RNF150: variants seen among roughly 807,000 people sequenced by gnomAD.
RNF150 encodes ring finger protein 150.
In RNF150, 24 loss-of-function variants were observed where a neutral mutation model predicts 39.3. The observed-to-expected ratio is 0.61, with a 90% CI of 0.44 to 0.86. The LOEUF (loss-of-function observed/expected upper bound fraction) is 0.86, where lower values mean the gene tolerates loss of function less well. RNF150 is among the 40% of genes least tolerant of loss of function. The pLI is 0.00. For missense variants in RNF150, 502 were observed against 587.8 expected (o/e 0.85, Z 1.51); for synonymous variants, 255 against 227.3 (o/e 1.12, Z -1.10).
chr4:140,954,223 A>C (rs747141640), intron 2 of RNF150, among the ~76,000 whole-genome samples: 3 of 151,688 alleles, frequency 2.0e-5, no homozygotes, highest in African/African-American at 4.8e-5. Flanking sequence ...TCTTCTTATT[A>C]TTATTTTTGA....
chr4:140,955,866 T>C (rs1027615818), intron 2 of RNF150, among the ~76,000 whole-genome samples: 2 of 152,198 alleles, frequency 1.3e-5, no homozygotes, highest in African/African-American at 4.8e-5. Context: ...AGTTTAAATA[T>C]CAATGTGCAA....
intron 1 of RNF150, among the ~76,000 whole-genome samples, chr4:141,162,927 G>A (rs2111160660): frequency 6.6e-6 from 1 of 152,296 alleles, no homozygotes; most frequent in Non-Finnish European, 1.5e-5. Context: ...TCGTACCCTA[G>A]TGGCATCTGG....
chr4:141,053,228 C>T (rs1227732274), intron 1 of RNF150, among the ~76,000 whole-genome samples: 3 of 151,988 alleles, frequency 2.0e-5, no homozygotes, highest in East Asian at 1.9e-4. Context: ...GATACATACT[C>T]GATACAGATC....
At chr4:141,071,640 T>C (rs1267548897) in intron 1 of RNF150, among the ~76,000 whole-genome samples, 1 of 152,174 alleles carries the variant, frequency 6.6e-6, no homozygotes, top group East Asian at 1.9e-4. Flanking sequence ...GATTACATTC[T>C]CCAATGAAAA....
chr4:141,135,490 T>C (rs1179266015), upstream of RNF150, among the ~76,000 whole-genome samples: 1 of 152,206 alleles, frequency 6.6e-6, no homozygotes, highest in Non-Finnish European at 1.5e-5. Flanking sequence ...TGGCCAAATC[T>C]GGGACAGTCT....
intron 1 of RNF150, among the ~76,000 whole-genome samples, chr4:141,155,252 A>ATTTTTTTTTTTTT (rs70946798): frequency 2.4e-5 from 3 of 126,410 alleles, no homozygotes; most frequent in Non-Finnish European, 3.2e-5. Context: ...CACCCGGCTG[A>ATTTTTTTTTTTTT]TTTTTTTTTT....
chr4:140,984,348 G>T (rs558473620), intron 1 of RNF150, among the ~76,000 whole-genome samples: 51 of 152,176 alleles, frequency 3.4e-4, no homozygotes, highest in African/African-American at 1.2e-3. Flanking sequence ...ATAACCATTG[G>T]TATGAAAAGG....
At chr4:141,203,818 T>C (rs893223161) in intron 1 of RNF150, among the ~76,000 whole-genome samples, 1 of 151,912 alleles carries the variant, frequency 6.6e-6, no homozygotes, top group African/African-American at 2.4e-5. Context: ...CATGTCTTCT[T>C]GGCTTTTGGT....
intron 1 of RNF150, among the ~76,000 whole-genome samples, chr4:141,017,424 A>T (rs1470424644): frequency 1.3e-5 from 2 of 152,130 alleles, no homozygotes; most frequent in African/African-American, 4.8e-5. Flanking sequence ...TCCTACTTTC[A>T]CACACACAGC....
chr4:141,009,422 C>A (rs377433213), intron 1 of RNF150, among the ~76,000 whole-genome samples: 69 of 152,344 alleles, frequency 4.5e-4, no homozygotes, highest in African/African-American at 1.6e-3. Context: ...AACTATTTAA[C>A]CTCCCTATGT....
At chr4:140,881,940 T>C (rs1185034698) in intron 6 of RNF150, among the ~76,000 whole-genome samples, 1 of 152,250 alleles carries the variant, frequency 6.6e-6, no homozygotes, top group Non-Finnish European at 1.5e-5. Context: ...AGTTTGCTAT[T>C]GATTTCTGGT....
At position 140,860,760 on chromosome 4, in the gene RNF150, G is replaced by T. The variant is rs1162499867; in HGVS notation, c.*7501C>A. ...TTATTTGCAGATTTTTTTCTAGTGG[G>T]AAATAATATGCTGTACAAAGTGGTT... On this transcript the variant is annotated 3_prime_UTR_variant, in exon 7 of 7. Transcript: ENST00000515673. 1 of 151,994 alleles carries T rather than the reference G, an allele frequency of 6.6e-6. No homozygotes were observed. Among genetic ancestry groups the T allele is most frequent in the Non-Finnish European group, 1.5e-5 (1 of 68,006 alleles). 9.4% of individuals were successfully genotyped at this position (151,994 alleles called of 1,614,324 possible). A position where few individuals can be genotyped will look rare whatever the true frequency, so the allele number is the denominator to read the frequency against.
chr4:141,120,958 T>G (rs62324904), intron 1 of RNF150, among the ~76,000 whole-genome samples: 23,956 of 148,618 alleles, frequency 0.16, 2,499 homozygotes, highest in Non-Finnish European at 0.24. Context: ...GAGGTGACAG[T>G]GGCAGTCCAG....
At chr4:141,122,886 T>C (rs1384769880) in intron 1 of RNF150, among the ~76,000 whole-genome samples, 2 of 152,254 alleles carry the variant, frequency 1.3e-5, no homozygotes, top group Non-Finnish European at 2.9e-5. Context: ...GTTTTATTAA[T>C]ACATATTTAA....
chr4:141,076,214 C>A lies in RNF150; in HGVS notation c.484+56111G>T, dbSNP rs568159038. On this transcript the variant is annotated intron_variant, in intron 1 of 6. Coordinates refer to ENST00000515673, the MANE Select transcript of RNF150 (RefSeq NM_020724.2). ...TCCAGTATCTTCCAGACCTTGCATG[C>A]TTTGTTCTAATGCCCTTCTCCATTT... Among the ~76,000 whole-genome samples, 281 of 152,246 alleles carry A rather than the reference C, an allele frequency of 1.8e-3. 3 individuals carry two copies. Among genetic ancestry groups the A allele is most frequent in the African/African-American group, 6.6e-3 (273 of 41,544 alleles).
At chr4:141,058,022 T>C (rs1737057862) in intron 1 of RNF150, among the ~76,000 whole-genome samples, 1 of 152,136 alleles carries the variant, frequency 6.6e-6, no homozygotes, top group African/African-American at 2.4e-5. Flanking sequence ...AACTCCCAGA[T>C]GAAGCAAATC....
intron 1 of RNF150, among the ~76,000 whole-genome samples, chr4:141,127,845 A>T (rs986352809): frequency 6.6e-6 from 1 of 152,238 alleles, no homozygotes; most frequent in Non-Finnish European, 1.5e-5. Context: ...TCTTTAAAAA[A>T]GAAAAAAATA....
intron 1 of RNF150, among the ~76,000 whole-genome samples, chr4:141,005,311 T>C (rs1288347720): frequency 6.6e-6 from 1 of 152,186 alleles, no homozygotes; most frequent in Non-Finnish European, 1.5e-5. Flanking sequence ...AATTTGAAGC[T>C]ATCACTTGAT....
chr4:141,157,619 T>C (rs1727435877), intron 1 of RNF150, among the ~76,000 whole-genome samples: 1 of 152,162 alleles, frequency 6.6e-6, no homozygotes, highest in South Asian at 2.1e-4. Flanking sequence ...TCTCCTTTTC[T>C]TGGGCCTGAT....
Sources: gnomAD v4.1 joint callset for allele counts (sites outside exome capture counted in the v4.1 genomes callset) on GRCh38, gnomAD v4.1.1 for gene constraint, MANE v1.5 for transcripts, NCBI Gene and HGNC (gene_info 2026-07-23, HGNC 2026-07-21) for gene names.